WAC: variants seen among roughly 807,000 people sequenced by gnomAD.
WAC encodes WW domain containing adaptor with coiled-coil.
Under a neutral mutation model 79.6 loss-of-function variants are expected in WAC, and 11 were observed. The ratio of observed to expected loss-of-function variants is 0.14; its 90% CI spans 0.09 to 0.23. WAC has a LOEUF of 0.23. Among genes scored for constraint, WAC ranks in the 10% least tolerant of loss-of-function variants. WAC has a pLI of 1.00. For synonymous variants in WAC, 304 were observed against 276.9 expected (o/e 1.10, Z -0.97); for missense variants, 728 against 773.5 (o/e 0.94, Z 0.70).
In WAC at chr10:28,533,630, C is replaced by CT; in HGVS notation, c.41+14dup. On this transcript the variant is annotated intron_variant, in intron 1 of 13. Transcript: ENST00000354911. ...AGAGACTCAGTGATGGGTAAATTGT[C>CT]TTTTCGTTTCGGGCCGGGCGGCGGC... The CT allele has an allele frequency of 6.3e-7, 1 of 1,582,142 alleles. No individual in the cohort carries two copies. The highest frequency in any genetic ancestry group is 8.6e-7 in the Non-Finnish European group (1 of 1,163,380).
At chr10:28,578,290 GC>G (rs1355263708) in intron 3 of WAC, among the ~76,000 whole-genome samples, 1 of 152,002 alleles carries the variant, frequency 6.6e-6, no homozygotes, top group Non-Finnish European at 1.5e-5. Flanking sequence ...TCCTATTTTT[GC>G]TTTTGTCTGA....
intron 4 of WAC, among the ~76,000 whole-genome samples, chr10:28,587,735 T>A (rs1839894689): frequency 6.6e-6 from 1 of 152,122 alleles, no homozygotes; most frequent in Admixed American, 6.6e-5. Context: ...GAAAATAAAG[T>A]TATTGGTATG....
intron 3 of WAC, among the ~76,000 whole-genome samples, chr10:28,554,797 G>A (rs959702937): frequency 1.3e-5 from 2 of 152,104 alleles, no homozygotes; most frequent in African/African-American, 4.8e-5. Flanking sequence ...CATTGAAGAT[G>A]TTCTTTGAGG....
chr10:28,536,490 T>C (rs1021295528), intron 3 of WAC, among the ~76,000 whole-genome samples: 2 of 152,222 alleles, frequency 1.3e-5, no homozygotes, highest in African/African-American at 2.4e-5. Context: ...CATTATGTTT[T>C]TTCAGGATAG....
At chr10:28,579,877 G>A (rs578109173) in intron 3 of WAC, among the ~76,000 whole-genome samples, 1 of 152,256 alleles carries the variant, frequency 6.6e-6, no homozygotes, top group East Asian at 1.9e-4. Flanking sequence ...ACTACCTTCA[G>A]GTCCAAAGGG....
At chr10:28,602,628 T>C (rs1840698324) in intron 7 of WAC, among the ~76,000 whole-genome samples, 1 of 152,222 alleles carries the variant, frequency 6.6e-6, no homozygotes. Flanking sequence ...AGTGCACTTA[T>C]TACCAGTATC....
chr10:28,581,796 G>A (rs1253427954), intron 3 of WAC, among the ~76,000 whole-genome samples: 2 of 151,970 alleles, frequency 1.3e-5, no homozygotes, highest in Admixed American at 6.6e-5. Flanking sequence ...CCTGGACCTC[G>A]GGTGATCCAC....
intron 3 of WAC, among the ~76,000 whole-genome samples, chr10:28,574,097 A>G (rs554034195): frequency 1.9e-4 from 27 of 139,968 alleles, no homozygotes; most frequent in African/African-American, 7.0e-4. Context: ...TTTCTTGTCA[A>G]TTGGTAAACA....
At chr10:28,583,567 A>T in intron 4 of WAC, 62 bp downstream of exon 4, 2 of 1,197,614 alleles carry the variant, frequency 1.7e-6, no homozygotes, top group South Asian at 1.6e-5. Context: ...AAAAAAAAAA[A>T]ATACAACCCA....
At chr10:28,585,603 G>A (rs1839782341) in intron 4 of WAC, among the ~76,000 whole-genome samples, 1 of 151,168 alleles carries the variant, frequency 6.6e-6, no homozygotes, top group Admixed American at 6.6e-5. Context: ...AGAAGGGGGG[G>A]CAAATCATTT....
At position 28,611,678 on chromosome 10, in the gene WAC, G is replaced by A. The variant is rs958222026; in HGVS notation, c.1289-96G>A. ...TAATATGGGGGTGGGGGGGTTTAGAGTAATACAAATATCTTTGCCACATAT... is the reference window on the plus strand; with the variant it reads ...TAATATGGGGGTGGGGGGGTTTAGAATAATACAAATATCTTTGCCACATAT... On this transcript the variant is annotated intron_variant, in intron 9 of 13. Transcript: ENST00000354911. 10 of 1,474,280 alleles carry A rather than the reference G, an allele frequency of 6.8e-6. No individual in the cohort carries two copies. The African/African-American group carries it at 1.3e-4, about 19-fold the overall frequency. The allele number at this position is 1,474,280 out of a possible 1,614,324, so 91.3% of individuals were successfully genotyped here.
intron 6 of WAC, among the ~76,000 whole-genome samples, chr10:28,594,941 A>G (rs1453829194): frequency 6.6e-6 from 1 of 152,188 alleles, no homozygotes; most frequent in Non-Finnish European, 1.5e-5. Context: ...TTAAATTGAT[A>G]GATTTTGAAC....
At chr10:28,537,883 G>A (rs992361614) in intron 3 of WAC, among the ~76,000 whole-genome samples, 3 of 152,068 alleles carry the variant, frequency 2.0e-5, no homozygotes, top group African/African-American at 7.2e-5. Context: ...TCATTTGCAA[G>A]AAACTTGATG....
At chr10:28,619,110 C>T (rs778594421) in intron 13 of WAC, among the ~76,000 whole-genome samples, 1 of 152,138 alleles carries the variant, frequency 6.6e-6, no homozygotes, top group Non-Finnish European at 1.5e-5. Flanking sequence ...AAAACCCTGT[C>T]TCTACTAAAA....
At chr10:28,566,111 T>G (rs1838589421) in intron 3 of WAC, among the ~76,000 whole-genome samples, 1 of 152,158 alleles carries the variant, frequency 6.6e-6, no homozygotes, top group Non-Finnish European at 1.5e-5. Context: ...AGCACTTCAG[T>G]TTTGTTTGAT....
chr10:28,608,625 T>C (rs1045916432), intron 8 of WAC, 194 bp downstream of exon 8: 1 of 600,056 alleles, frequency 1.7e-6, no homozygotes, highest in Non-Finnish European at 2.8e-6. Context: ...GGTAGTATAA[T>C]TGAGTTAGTG....
chr10:28,608,267 C>G lies in WAC; in HGVS notation c.1001C>G (p.Ser334Cys). ...TSSASGLNPT[S>C]APPTSASAVP... ...TCTGCCTCTGGACTGAACCCCACAT[C>G]TGCACCTCCAACATCTGCTTCAGCG... The change falls in exon 8 of 14, where the codon TCT becomes TGT. Residue 334 changes from serine (S) to cysteine (C), a missense_variant. By Grantham distance (112) the Ser-to-Cys change is moderately radical. Coordinates refer to ENST00000354911, the MANE Select transcript of WAC (RefSeq NM_016628.5). 6.2e-7 allele frequency: 1 copy of G among 1,614,220 alleles called. No homozygotes were observed. Among genetic ancestry groups the G allele is most frequent in the South Asian group, 1.1e-5 (1 of 91,082 alleles).
intron 3 of WAC, among the ~76,000 whole-genome samples, chr10:28,581,238 CT>C (rs71391053): frequency 0.018 from 1,176 of 65,964 alleles, 4 homozygotes; most frequent in Non-Finnish European, 0.024. Context: ...ATGAGCGATT[CT>C]TTTTTTTTTT....
chr10:28,599,747 A>G (rs572847767), intron 7 of WAC, among the ~76,000 whole-genome samples: 1 of 152,322 alleles, frequency 6.6e-6, no homozygotes, highest in South Asian at 2.1e-4. Flanking sequence ...CGGTAGAGAA[A>G]GCTGCAGAGC....
Sources: gnomAD v4.1 joint callset for allele counts (sites outside exome capture counted in the v4.1 genomes callset) on GRCh38, gnomAD v4.1.1 for gene constraint, MANE v1.5 for transcripts, NCBI Gene and HGNC (gene_info 2026-07-23, HGNC 2026-07-21) for gene names.